Variants in OTUD5 observed in about 807,000 individuals in gnomAD.
The protein encoded by OTUD5 is OTU domain-containing protein 5.
Under a neutral mutation model 36.3 loss-of-function variants are expected in OTUD5, and 2 were observed. That is an observed-to-expected ratio of 0.06 (90% CI 0.02 to 0.17). The LOEUF (loss-of-function observed/expected upper bound fraction) is 0.17, where lower values mean the gene tolerates loss of function less well. Among genes scored for constraint, OTUD5 ranks in the 10% least tolerant of loss-of-function variants. The probability of loss-of-function intolerance (pLI) is 1.00; values close to 1 mark genes in which losing one functional copy is unlikely to be tolerated. For synonymous variants in OTUD5, 234 were observed against 214.9 expected (o/e 1.09, Z -0.78); for missense variants, 233 against 512.3 (o/e 0.45, Z 5.26).
At chrX:48,938,784 C>G (rs191128863) in intron 2 of OTUD5, among the ~76,000 whole-genome samples, 124 of 111,797 alleles carry the variant, frequency 1.1e-3, no homozygotes, top group African/African-American at 3.8e-3. Context: ...GGCTGGCACA[C>G]AGGGCTGGGG....
chrX:48,942,244 TACACACACACACAC>T (rs1188711919), intron 2 of OTUD5, among the ~76,000 whole-genome samples: 2 of 57,105 alleles, frequency 3.5e-5, no homozygotes, highest in African/African-American at 7.5e-5. Flanking sequence ...CACACACACA[TACACACACACACAC>T]ACACACACAC....
At chrX:48,942,287 CAGCT>C (rs1326625627) in intron 2 of OTUD5, among the ~76,000 whole-genome samples, 2 of 26,570 alleles carry the variant, frequency 7.5e-5, no homozygotes, top group African/African-American at 1.0e-4. Flanking sequence ...ACACAGAGAA[CAGCT>C]AGCTAGATAC....
rs1370200083 is a variant in OTUD5, at chrX:48,923,722, C to T, written c.1490G>A (p.Gly497Glu). The T allele has an allele frequency of 7.5e-6, 9 of 1,205,596 alleles. No individual in the cohort carries two copies. In the Admixed American group the frequency reaches 1.8e-4, roughly 24 times the overall value. The change falls in exon 8 of 9, where the codon GGG becomes GAG. Residue 497 changes from glycine (G) to glutamate (E), a missense_variant. Gly to Glu is a moderately conservative substitution (Grantham distance 98). Transcript: ENST00000376488. ...APGTSSQFSAGADRATSPLVS... is the reference protein window; with the variant it reads ...APGTSSQFSAEADRATSPLVS... ...AAGGGGGGAAGTTGCCCGGTCGGCC[C>T]CTGCCGAGAACTGACTGCTTGTACC...
intron 6 of OTUD5, 72 bp downstream of exon 6, chrX:48,925,775 C>T: frequency 1.1e-6 from 1 of 905,677 alleles, no homozygotes; most frequent in Admixed American, 2.7e-5. Flanking sequence ...TAATTTTTTT[C>T]TGCTCGCTTG....
chrX:48,942,244 TACACACACACACACACAC>T (rs1188711919), intron 2 of OTUD5, among the ~76,000 whole-genome samples: 1 of 57,105 alleles, frequency 1.8e-5, no homozygotes. Context: ...CACACACACA[TACACACACACACACACAC>T]ACACACACAC....
chrX:48,938,293 A>G (rs782254217), intron 2 of OTUD5, among the ~76,000 whole-genome samples: 1 of 111,880 alleles, frequency 8.9e-6, no homozygotes, highest in South Asian at 3.7e-4. Flanking sequence ...CAAGGAAAAC[A>G]GCAATAGTAC....
chrX:48,948,661 A>G (rs891160703), intron 1 of OTUD5, among the ~76,000 whole-genome samples: 8 of 104,709 alleles, frequency 7.6e-5, no homozygotes, highest in Non-Finnish European at 1.4e-4. Context: ...CAGCCTGAGG[A>G]GTTTGGGCTC....
intron 1 of OTUD5, among the ~76,000 whole-genome samples, chrX:48,952,196 C>G (rs2064159270): frequency 8.9e-6 from 1 of 112,330 alleles, no homozygotes; most frequent in African/African-American, 3.2e-5. Context: ...GTGAAAAAAG[C>G]CAAGTAACAA....
In OTUD5 at chrX:48,950,537, CTTTTT is replaced by C. The variant is rs781905691; in HGVS notation, c.595-6259_595-6255del. Among the ~76,000 whole-genome samples, 50 of 83,070 alleles carry C rather than the reference CTTTTT, an allele frequency of 6.0e-4. 1 individual carries two copies. The highest frequency in any genetic ancestry group is 1.8e-3 in the African/African-American group (40 of 21,859). The allele number at this position is 83,070 out of a possible 115,157, so 72.1% of individuals were successfully genotyped here. ...TGTGACAGAATAAACTTCTCTCTCT[CTTTTT>C]TTTTTTTTTTTTTTTTTTGAGATGG... On this transcript the variant is annotated intron_variant, in intron 1 of 8. Coordinates refer to ENST00000376488, the MANE Select transcript of OTUD5 (RefSeq NM_001136157.2).
chrX:48,947,595 C>T (rs1431049606), intron 1 of OTUD5, among the ~76,000 whole-genome samples: 3 of 107,765 alleles, frequency 2.8e-5, no homozygotes, highest in Admixed American at 9.9e-5. Flanking sequence ...CCCAGCTACT[C>T]GGGAGGCTGA....
At chrX:48,950,527 TTC>T (rs1456130210) in intron 1 of OTUD5, among the ~76,000 whole-genome samples, 4 of 106,547 alleles carry the variant, frequency 3.8e-5, no homozygotes, top group South Asian at 4.2e-4. Flanking sequence ...CAGAATAAAC[TTC>T]TCTCTCTCTT....
chrX:48,922,973 G>T lies in OTUD5; in HGVS notation c.*201C>A. 5 of 1,072,229 alleles carry T rather than the reference G, an allele frequency of 4.7e-6. No homozygotes were observed. The highest frequency in any genetic ancestry group is 6.0e-6 in the Non-Finnish European group (5 of 828,730). The allele number at this position is 1,072,229 out of a possible 1,213,427, so 88.4% of individuals were successfully genotyped here. A position where few individuals can be genotyped will look rare whatever the true frequency, so the allele number is the denominator to read the frequency against. On this transcript the variant is annotated 3_prime_UTR_variant, in exon 9 of 9. Transcript: ENST00000376488. Reference sequence around the variant, plus strand: ...GGGGGGCAACAGGGCACATCAGCTGGCAGAGAGACAGGTGATAGTGGCAGC... The same window carrying T: ...GGGGGGCAACAGGGCACATCAGCTGTCAGAGAGACAGGTGATAGTGGCAGC...
intron 2 of OTUD5, chrX:48,940,223 G>A (rs781915392): frequency 1.8e-5 from 2 of 114,101 alleles, no homozygotes; most frequent in East Asian, 5.6e-4. Context: ...TTCCTGAGAT[G>A]TGTGCTCCTC....
chrX:48,958,313 C>G (rs2064293656), upstream of OTUD5: 1 of 113,044 alleles, frequency 8.8e-6, no homozygotes, highest in Non-Finnish European at 1.9e-5. Flanking sequence ...AGGATTCCAA[C>G]TTGAACGCTG....
In OTUD5 at chrX:48,927,646, C is replaced by G. The variant is rs2063686894; in HGVS notation, c.1060-1596G>C. On this transcript the variant is annotated intron_variant, in intron 5 of 8. Coordinates refer to ENST00000376488, the MANE Select transcript of OTUD5 (RefSeq NM_001136157.2). ...CATGCCCTCCCTGGGGTGCCACCCT[C>G]TAGAAACTTCCATGTATTCAGCTAC... Among the ~76,000 whole-genome samples the G allele has an allele frequency of 2.7e-5, 3 of 111,724 alleles. No homozygotes were observed. The Admixed American group carries it at 2.9e-4, about 11-fold the overall frequency.
chrX:48,924,472 G>A (rs2063632597), intron 6 of OTUD5, among the ~76,000 whole-genome samples: 1 of 111,434 alleles, frequency 9.0e-6, no homozygotes, highest in Non-Finnish European at 1.9e-5. Context: ...ACCACATCCT[G>A]TCCGTCCTCT....
At chrX:48,957,818 G>A (rs2064284314), upstream of OTUD5, 8 of 765,364 alleles carry the variant, frequency 1.0e-5, no homozygotes, top group South Asian at 4.4e-4. Context: ...GCAGTGCGGC[G>A]AGTTTGTCTT....
At chrX:48,943,352 G>A (rs1557051574) in intron 2 of OTUD5, among the ~76,000 whole-genome samples, 1 of 112,007 alleles carries the variant, frequency 8.9e-6, no homozygotes, top group East Asian at 2.8e-4. Flanking sequence ...TCTGTTAGGT[G>A]CAGTAATGGC....
intron 2 of OTUD5, among the ~76,000 whole-genome samples, chrX:48,943,337 T>C (rs1314511214): frequency 1.8e-5 from 2 of 112,149 alleles, no homozygotes; most frequent in African/African-American, 3.2e-5. Flanking sequence ...TAAGGCATTA[T>C]TAATTCTGTT....
Sources: gnomAD v4.1 joint callset for allele counts (sites outside exome capture counted in the v4.1 genomes callset) on GRCh38, gnomAD v4.1.1 for gene constraint, MANE v1.5 for transcripts, NCBI Gene and HGNC (gene_info 2026-07-23, HGNC 2026-07-21) for gene names.